The following CHODL variants were observed in gnomAD, a reference collection of about 807,000 sequenced individuals.
CHODL encodes chondrolectin.
Under a neutral mutation model 34.5 loss-of-function variants are expected in CHODL, and 29 were observed. That is an observed-to-expected ratio of 0.84 (90% CI 0.63 to 1.15). The LOEUF (loss-of-function observed/expected upper bound fraction) is 1.15, where lower values mean the gene tolerates loss of function less well. Among genes scored for constraint, CHODL ranks in the 50% most tolerant of loss-of-function variants. The probability of loss-of-function intolerance (pLI) is 0.00; values close to 1 mark genes in which losing one functional copy is unlikely to be tolerated. For synonymous variants in CHODL, 125 were observed against 116.1 expected (o/e 1.08, Z -0.49); for missense variants, 332 against 332.5 (o/e 1.00, Z 0.01).
chr21:18,194,701 A>G (rs1568932007), intron 2 of CHODL, among the ~76,000 whole-genome samples: 2 of 152,164 alleles, frequency 1.3e-5, no homozygotes, highest in South Asian at 4.1e-4. Context: ...TATACATTGA[A>G]ATAGTTAAAT....
intron 2 of CHODL, among the ~76,000 whole-genome samples, chr21:18,101,106 G>T (rs915940084): frequency 6.6e-6 from 1 of 152,118 alleles, no homozygotes; most frequent in African/African-American, 2.4e-5. Context: ...ATTGAATAAT[G>T]GGGGTGGGTC....
At chr21:18,084,817 A>G (rs2064983892) in intron 2 of CHODL, among the ~76,000 whole-genome samples, 1 of 152,006 alleles carries the variant, frequency 6.6e-6, no homozygotes, top group Non-Finnish European at 1.5e-5. Flanking sequence ...CCTAATGCTT[A>G]CTTGCTTATT....
intron 2 of CHODL, among the ~76,000 whole-genome samples, chr21:18,209,947 A>T (rs1490227708): frequency 6.6e-6 from 1 of 152,162 alleles, no homozygotes; most frequent in Non-Finnish European, 1.5e-5. Flanking sequence ...AGTGGAAGAT[A>T]GAATTTTCTC....
At chr21:17,917,591 G>A (rs2063150103) in intron 1 of CHODL, among the ~76,000 whole-genome samples, 1 of 149,432 alleles carries the variant, frequency 6.7e-6, no homozygotes, top group Admixed American at 6.6e-5. Flanking sequence ...CCAAGGTGGG[G>A]CCATCTGTAG....
chr21:18,189,629 A>ATTT (rs35604998), intron 2 of CHODL, among the ~76,000 whole-genome samples: 2 of 94,588 alleles, frequency 2.1e-5, no homozygotes, highest in African/African-American at 3.9e-5. Context: ...GAAGTGGGCA[A>ATTT]TTTTTTTTTT....
At chr21:18,222,430 A>C (rs143411086) in intron 2 of CHODL, among the ~76,000 whole-genome samples, 1 of 152,200 alleles carries the variant, frequency 6.6e-6, no homozygotes, top group African/African-American at 2.4e-5. Context: ...CAACTTGGAC[A>C]CTGAAAGGTG....
At chr21:18,042,417 G>A (rs1226392765) in intron 2 of CHODL, among the ~76,000 whole-genome samples, 1 of 151,778 alleles carries the variant, frequency 6.6e-6, no homozygotes, top group Non-Finnish European at 1.5e-5. Context: ...CATTTTCCAG[G>A]TACAATAGAA....
intron 1 of CHODL, among the ~76,000 whole-genome samples, chr21:18,248,616 A>ATGTATTT (rs2074174125): frequency 8.0e-6 from 1 of 124,262 alleles, no homozygotes; most frequent in African/African-American, 3.4e-5. Flanking sequence ...TGTATAATAC[A>ATGTATTT]TATATAATAT....
chr21:17,945,954 G>A (rs1398572777), intron 1 of CHODL, among the ~76,000 whole-genome samples: 1 of 151,916 alleles, frequency 6.6e-6, no homozygotes, highest in Admixed American at 6.6e-5. Context: ...TATATTCAAA[G>A]TGCTGAATGA....
intron 2 of CHODL, among the ~76,000 whole-genome samples, chr21:18,075,858 C>T (rs2064858205): frequency 1.3e-5 from 2 of 152,120 alleles, no homozygotes; most frequent in Admixed American, 1.3e-4. Context: ...AGGAGCAGGA[C>T]TGTCGTGAGT....
chr21:18,090,505 A>T (rs1184771745), intron 2 of CHODL, among the ~76,000 whole-genome samples: 1 of 152,188 alleles, frequency 6.6e-6, no homozygotes, highest in Admixed American at 6.6e-5. Flanking sequence ...ATAGAAGATA[A>T]CTTAAAAAAT....
chr21:17,993,459 G>T (rs1167719940), intron 1 of CHODL, among the ~76,000 whole-genome samples: 1 of 152,110 alleles, frequency 6.6e-6, no homozygotes, highest in African/African-American at 2.4e-5. Flanking sequence ...TGTAAGTGAG[G>T]ACATGTAATA....
At chr21:17,970,877 C>G (rs1600844519) in intron 1 of CHODL, among the ~76,000 whole-genome samples, 2 of 152,228 alleles carry the variant, frequency 1.3e-5, no homozygotes, top group East Asian at 3.9e-4. Flanking sequence ...AATGCTATCC[C>G]TCCCCTAGCC....
intron 1 of CHODL, among the ~76,000 whole-genome samples, chr21:17,944,002 C>G (rs771859318): frequency 6.6e-5 from 10 of 152,134 alleles, no homozygotes; most frequent in Non-Finnish European, 1.5e-4. Flanking sequence ...GAGATATCAG[C>G]TAAACTTATA....
chr21:18,084,949 G>A (rs1007358989), intron 2 of CHODL, among the ~76,000 whole-genome samples: 13 of 151,798 alleles, frequency 8.6e-5, no homozygotes, highest in African/African-American at 3.1e-4. Context: ...GTGTGTGTGT[G>A]TGTGTGTGTG....
At chr21:17,971,150 T>C (rs922404104) in intron 1 of CHODL, among the ~76,000 whole-genome samples, 3 of 152,230 alleles carry the variant, frequency 2.0e-5, no homozygotes, top group African/African-American at 7.2e-5. Context: ...GCATTTGGGT[T>C]GGTTCCAAGT....
At chr21:18,082,008 C>A (rs973476932) in intron 2 of CHODL, among the ~76,000 whole-genome samples, 1 of 152,166 alleles carries the variant, frequency 6.6e-6, no homozygotes, top group Non-Finnish European at 1.5e-5. Flanking sequence ...TAAATCCCAC[C>A]TGATCCTGGT....
At chr21:18,098,030 C>A (rs1347130522) in intron 2 of CHODL, among the ~76,000 whole-genome samples, 1 of 151,952 alleles carries the variant, frequency 6.6e-6, no homozygotes, top group Non-Finnish European at 1.5e-5. Flanking sequence ...TGAAACTAGA[C>A]CCCTATGTCT....
At chr21:18,228,268 T>C (rs1205332310) in intron 2 of CHODL, among the ~76,000 whole-genome samples, 1 of 152,176 alleles carries the variant, frequency 6.6e-6, no homozygotes, top group East Asian at 1.9e-4. Context: ...AGCAGAGTGA[T>C]AGAGAGTTTC....
Sources: gnomAD v4.1 joint callset for allele counts (sites outside exome capture counted in the v4.1 genomes callset) on GRCh38, gnomAD v4.1.1 for gene constraint, MANE v1.5 for transcripts, NCBI Gene and HGNC (gene_info 2026-07-23, HGNC 2026-07-21) for gene names.